Variants in SEC23B observed in about 807,000 individuals in gnomAD.
SEC23B encodes the protein protein transport protein Sec23B.
A neutral mutation model predicts 104.3 loss-of-function variants in SEC23B; 77 were observed. That is an observed-to-expected ratio of 0.74 (90% CI 0.61 to 0.89). The LOEUF is 0.89. Among genes scored for constraint, SEC23B ranks in the 40% least tolerant of loss-of-function variants. The probability of loss-of-function intolerance (pLI) is 0.00; values close to 1 mark genes in which losing one functional copy is unlikely to be tolerated. For missense variants in SEC23B, 885 were observed against 949.4 expected, an observed-to-expected ratio of 0.93 and a Z score of 0.89; for synonymous variants, 338 against 332.5, an observed-to-expected ratio of 1.02 and a Z score of -0.18.
chr20:18,540,109 A>G (rs1450060554), intron 12 of SEC23B, among the ~76,000 whole-genome samples: 1 of 152,218 alleles, frequency 6.6e-6, no homozygotes, highest in African/African-American at 2.4e-5. Flanking sequence ...GAGTGTTTCA[A>G]TGACATGTAG....
chr20:18,552,746 G>T (rs779486425), intron 17 of SEC23B, among the ~76,000 whole-genome samples: 14 of 152,106 alleles, frequency 9.2e-5, no homozygotes, highest in Non-Finnish European at 1.6e-4. Flanking sequence ...CTCAGGAAGT[G>T]GAGGTTTCAG....
At chr20:18,529,508 G>A (rs958859027) in intron 9 of SEC23B, among the ~76,000 whole-genome samples, 2 of 152,310 alleles carry the variant, frequency 1.3e-5, no homozygotes, top group East Asian at 1.9e-4. Flanking sequence ...TAGGCAGTCC[G>A]GGGCTGGTAT....
At chr20:18,544,118 C>T (rs2060312217) in intron 14 of SEC23B, among the ~76,000 whole-genome samples, 1 of 152,066 alleles carries the variant, frequency 6.6e-6, no homozygotes, top group Admixed American at 6.6e-5. Flanking sequence ...TCACAGCAGG[C>T]AAAGGGGGTG....
At chr20:18,531,213 G>T (rs2060184014) in intron 10 of SEC23B, among the ~76,000 whole-genome samples, 1 of 152,242 alleles carries the variant, frequency 6.6e-6, no homozygotes, top group Non-Finnish European at 1.5e-5. Flanking sequence ...AGAAGAGGAA[G>T]TAGGGTGGGT....
At chr20:18,513,001 T>G (rs1187959108) in intron 3 of SEC23B, among the ~76,000 whole-genome samples, 1 of 152,018 alleles carries the variant, frequency 6.6e-6, no homozygotes, top group Non-Finnish European at 1.5e-5. Context: ...CTGGCCAACA[T>G]GGTGAAATCC....
rs373255328 is a variant in SEC23B at position 18,508,662 on chromosome 20, G to A, written c.-15+690G>A. The stretch of plus-strand genomic sequence containing the variant: ...GGAAACAGGCAGTAGGAAAAGGAGG[G>A]AGCAGGTCTTAGGCTGTACATGCTT... On this transcript the variant is annotated intron_variant, in intron 1 of 19. Transcript: ENST00000650089. Among the ~76,000 whole-genome samples the A allele has an allele frequency of 1.2e-4, 18 of 151,618 alleles. No individual in the cohort carries two copies. In the East Asian group the frequency reaches 2.9e-3, roughly 25 times the overall value.
chr20:18,529,310 G>A (rs889039294), intron 9 of SEC23B, among the ~76,000 whole-genome samples: 2 of 152,182 alleles, frequency 1.3e-5, no homozygotes, highest in Non-Finnish European at 2.9e-5. Flanking sequence ...TATCAAGAAG[G>A]GCCTTTCTTA....
chr20:18,533,445 G>A (rs578145572), intron 11 of SEC23B, among the ~76,000 whole-genome samples: 1 of 152,228 alleles, frequency 6.6e-6, no homozygotes, highest in African/African-American at 2.4e-5. Context: ...AGCCAGATGT[G>A]GATCCAAGGT....
Position 18,554,289 on chromosome 20 carries a change from T to G in SEC23B, c.2047T>G (p.Phe683Val). 6.2e-7 allele frequency: 1 copy of G among 1,614,196 alleles called. No individual in the cohort carries two copies. Among genetic ancestry groups the G allele is most frequent in the Non-Finnish European group, 8.5e-7 (1 of 1,180,040 alleles). The change falls in exon 18 of 20, where the codon TTC becomes GTC. Residue 683 changes from phenylalanine to valine, a missense_variant. Phe to Val is a conservative substitution (Grantham distance 50). Coordinates refer to ENST00000650089, the MANE Select transcript of SEC23B (RefSeq NM_006363.6). ...CCAGGACATGCCCGAGTATGAAAAC[T>G]TCAAGCACCTTCTGCAGGCACCACT... The part of the protein sequence containing the change: ...GYQDMPEYEN[F>V]KHLLQAPLDD...
intron 13 of SEC23B, among the ~76,000 whole-genome samples, chr20:18,542,603 T>C (rs1013409536): frequency 1.3e-5 from 2 of 152,220 alleles, no homozygotes; most frequent in African/African-American, 4.8e-5. Flanking sequence ...GAATCATCTT[T>C]CTGTAGGAAA....
At chr20:18,539,312 T>C (rs1453917693) in intron 12 of SEC23B, among the ~76,000 whole-genome samples, 1 of 151,474 alleles carries the variant, frequency 6.6e-6, no homozygotes, top group Non-Finnish European at 1.5e-5. Context: ...GAGACCATCC[T>C]GGCTAACATG....
intron 12 of SEC23B, among the ~76,000 whole-genome samples, chr20:18,541,408 G>A (rs1313560368): frequency 6.6e-6 from 1 of 152,240 alleles, no homozygotes. Flanking sequence ...AAAAGGCCTA[G>A]CTTTCAGCTA....
intron 4 of SEC23B, among the ~76,000 whole-genome samples, chr20:18,520,970 G>T (rs948683464): frequency 2.0e-5 from 3 of 152,086 alleles, no homozygotes; most frequent in Non-Finnish European, 4.4e-5. Context: ...ATTTTCAGTG[G>T]GGTCCCGCAC....
At chr20:18,508,716 CTTT>C (rs398035473) in intron 1 of SEC23B, among the ~76,000 whole-genome samples, 15,522 of 97,296 alleles carry the variant, frequency 0.16, 1,122 homozygotes, top group South Asian at 0.22. Context: ...GCAGTAGCTT[CTTT>C]TTTTTTTTTT....
At chr20:18,535,181 C>A (rs1263360892) in intron 11 of SEC23B, among the ~76,000 whole-genome samples, 1 of 151,450 alleles carries the variant, frequency 6.6e-6, no homozygotes, top group South Asian at 2.1e-4. Flanking sequence ...TGTAGAGACA[C>A]CCCCTGACAC....
At chr20:18,559,797 G>A (rs983965909) in intron 19 of SEC23B, among the ~76,000 whole-genome samples, 1 of 152,012 alleles carries the variant, frequency 6.6e-6, no homozygotes, top group Non-Finnish European at 1.5e-5. Context: ...TGGGTCCCAA[G>A]GTCTTTAGTT....
intron 4 of SEC23B, among the ~76,000 whole-genome samples, chr20:18,519,479 G>A (rs1425123786): frequency 3.3e-5 from 5 of 152,198 alleles, no homozygotes; most frequent in Non-Finnish European, 5.9e-5. Context: ...GCTGCCGCAC[G>A]GAGACATGAT....
At chr20:18,526,583 G>T in intron 8 of SEC23B, 52 bp downstream of exon 8, 1 of 1,599,414 alleles carries the variant, frequency 6.3e-7, no homozygotes, top group South Asian at 1.1e-5. Context: ...TGTCAGGTTT[G>T]GGCTGCTCTG....
At chr20:18,529,971 A>G (rs1045933137) in intron 9 of SEC23B, among the ~76,000 whole-genome samples, 1 of 152,356 alleles carries the variant, frequency 6.6e-6, no homozygotes, top group South Asian at 2.1e-4. Context: ...ATTTTGCACA[A>G]TGTTTTCCTC....
Sources: allele counts gnomAD v4.1 joint callset (sites outside exome capture counted in the v4.1 genomes callset), GRCh38; gene constraint gnomAD v4.1.1; transcripts MANE v1.5; gene names NCBI Gene and HGNC (gene_info 2026-07-23, HGNC 2026-07-21).